The following DCDC1 variants were observed in gnomAD, a reference collection of about 807,000 sequenced individuals.
DCDC1 encodes doublecortin domain containing 1.
In DCDC1, 200 loss-of-function variants were observed where a neutral mutation model predicts 178.3. The ratio of observed to expected loss-of-function variants is 1.12; its 90% CI spans 1.00 to 1.26. DCDC1 has a LOEUF of 1.26. Among genes scored for constraint, DCDC1 ranks in the 50% most tolerant of loss-of-function variants. The pLI is 0.00. For missense variants in DCDC1, 1,983 were observed against 1,749.2 expected (o/e 1.13, Z -2.38); for synonymous variants, 690 against 604.8 (o/e 1.14, Z -2.07).
intron 10 of DCDC1, among the ~76,000 whole-genome samples, chr11:31,137,372 T>TTA (rs1555079033): frequency 7.0e-5 from 10 of 143,140 alleles, no homozygotes; most frequent in African/African-American, 9.9e-5. Context: ...TTTTTTTTTT[T>TTA]ACGGAGTCTC....
At chr11:31,333,478 G>A (rs1950108376) in intron 2 of DCDC1, among the ~76,000 whole-genome samples, 1 of 152,112 alleles carries the variant, frequency 6.6e-6, no homozygotes, top group African/African-American at 2.4e-5. Context: ...TAGCATCAGT[G>A]GTCTTTACAA....
intron 9 of DCDC1, among the ~76,000 whole-genome samples, chr11:31,139,659 G>A (rs1458419240): frequency 6.6e-6 from 1 of 152,098 alleles, no homozygotes; most frequent in Non-Finnish European, 1.5e-5. Flanking sequence ...AGGTGAGGCC[G>A]ATGCTAACGA....
At chr11:31,018,676 T>G (rs1487062080) in intron 20 of DCDC1, among the ~76,000 whole-genome samples, 1 of 152,112 alleles carries the variant, frequency 6.6e-6, no homozygotes, top group East Asian at 1.9e-4. Flanking sequence ...AAGGAGACCA[T>G]GAGAAGCAAA....
At chr11:31,183,642 TAGAG>T (rs1407358723) in intron 9 of DCDC1, among the ~76,000 whole-genome samples, 9 of 152,028 alleles carry the variant, frequency 5.9e-5, no homozygotes, top group East Asian at 1.9e-4. Flanking sequence ...ATACCAATAA[TAGAG>T]AGTCAAATCG....
At chr11:31,339,434 A>T (rs1394094823) in intron 1 of DCDC1, among the ~76,000 whole-genome samples, 1 of 152,176 alleles carries the variant, frequency 6.6e-6, no homozygotes, top group Non-Finnish European at 1.5e-5. Context: ...TTTGTATACG[A>T]TTCAGCCTAA....
intron 11 of DCDC1, among the ~76,000 whole-genome samples, chr11:31,115,801 G>A (rs1265323585): frequency 1.3e-5 from 2 of 152,064 alleles, no homozygotes; most frequent in Admixed American, 6.6e-5. Context: ...TCTGGTGGGA[G>A]CTCTAGAACT....
chr11:31,059,751 A>G (rs559719431), intron 20 of DCDC1, among the ~76,000 whole-genome samples: 1 of 152,082 alleles, frequency 6.6e-6, no homozygotes, highest in South Asian at 2.1e-4. Flanking sequence ...CAGCAGAAGG[A>G]GGAGAAAGTT....
At chr11:30,929,766 C>A (rs1416744477) in intron 22 of DCDC1, among the ~76,000 whole-genome samples, 1 of 151,974 alleles carries the variant, frequency 6.6e-6, no homozygotes, top group African/African-American at 2.4e-5. Flanking sequence ...ACTTACATTT[C>A]TGAGAGACAA....
intron 10 of DCDC1, among the ~76,000 whole-genome samples, chr11:31,128,249 A>G (rs557243959): frequency 1.3e-5 from 2 of 152,100 alleles, no homozygotes; most frequent in Non-Finnish European, 2.9e-5. Flanking sequence ...TTTTAAATAT[A>G]TATTAATGTC....
At chr11:30,922,717 T>TA (rs1336012053) in intron 23 of DCDC1, 79 bp from the exon 24 acceptor site, 3 of 1,343,158 alleles carry the variant, frequency 2.2e-6, no homozygotes, top group East Asian at 3.1e-5. Context: ...TGGAAACAAT[T>TA]AAAAAAATCA....
intron 20 of DCDC1, among the ~76,000 whole-genome samples, chr11:30,988,742 T>C (rs1263656626): frequency 3.9e-5 from 6 of 152,214 alleles, no homozygotes; most frequent in Admixed American, 1.3e-4. Flanking sequence ...AAAAATCTTA[T>C]AATGTTTTAA....
intron 29 of DCDC1, 100 bp downstream of exon 29, chr11:30,908,846 T>G (rs175398): frequency 0.66 from 681,229 of 1,033,876 alleles, 227,163 homozygotes; most frequent in Middle Eastern, 0.77. Flanking sequence ...TCAACTTGTA[T>G]GAACATAAAG....
intron 36 of DCDC1, chr11:30,882,778 A>G (rs1282772675): frequency 6.6e-6 from 1 of 152,210 alleles, no homozygotes; most frequent in Non-Finnish European, 1.5e-5. Context: ...ATATTCTACA[A>G]CATAAAAAAA....
chr11:31,334,019 C>G (rs1181377394), intron 2 of DCDC1, among the ~76,000 whole-genome samples: 1 of 152,226 alleles, frequency 6.6e-6, no homozygotes, highest in Admixed American at 6.5e-5. Context: ...GCACACCAAT[C>G]AAACGTAGAT....
chr11:31,315,451 C>T (rs2137709982), intron 3 of DCDC1, among the ~76,000 whole-genome samples: 1 of 151,246 alleles, frequency 6.6e-6, no homozygotes, highest in South Asian at 2.1e-4. Context: ...ATCCTCCTGC[C>T]TCAGCCTCCC....
chr11:31,277,438 A>G (rs1946075199), intron 7 of DCDC1, among the ~76,000 whole-genome samples: 1 of 152,158 alleles, frequency 6.6e-6, no homozygotes, highest in Admixed American at 6.5e-5. Context: ...GTATATATCT[A>G]AAAATGAGAT....
At chr11:31,172,524 C>T (rs1967376903) in intron 9 of DCDC1, among the ~76,000 whole-genome samples, 2 of 152,126 alleles carry the variant, frequency 1.3e-5, no homozygotes, top group Admixed American at 1.3e-4. Context: ...ACACCCCATG[C>T]AGTCAAAAAT....
chr11:31,311,328 ATG>A (rs1030591654), intron 3 of DCDC1, among the ~76,000 whole-genome samples: 3 of 152,238 alleles, frequency 2.0e-5, no homozygotes, highest in Non-Finnish European at 4.4e-5. Flanking sequence ...GTAGGGTAAT[ATG>A]GGCTGTCAGT....
At chr11:31,053,583 A>G (rs1257988421) in intron 20 of DCDC1, among the ~76,000 whole-genome samples, 1 of 152,184 alleles carries the variant, frequency 6.6e-6, no homozygotes, top group Non-Finnish European at 1.5e-5. Flanking sequence ...ATCCTTAACA[A>G]AATACTACCT....
Sources: gnomAD v4.1 joint callset for allele counts (sites outside exome capture counted in the v4.1 genomes callset) on GRCh38, gnomAD v4.1.1 for gene constraint, MANE v1.5 for transcripts, NCBI Gene and HGNC (gene_info 2026-07-23, HGNC 2026-07-21) for gene names.